RPL11: variants seen among roughly 807,000 people sequenced by gnomAD.
RPL11 encodes large ribosomal subunit protein uL5.
A neutral mutation model predicts 24.1 loss-of-function variants in RPL11; 3 were observed. That is an observed-to-expected ratio of 0.12 (90% confidence interval 0.06 to 0.32). RPL11 has a LOEUF of 0.32. RPL11 is among the 10% of genes least tolerant of loss of function. The probability of loss-of-function intolerance (pLI) is 1.00; values close to 1 mark genes in which losing one functional copy is unlikely to be tolerated. For missense variants in RPL11, 146 were observed against 225.7 expected (o/e 0.65, Z 2.26); for synonymous variants, 96 against 75.7 (o/e 1.27, Z -1.39).
chr1:23,695,324 C>T lies in RPL11; in HGVS notation c.397-474C>T, dbSNP rs574806966. ...TAGTGTGGAACCTGAAAGATGGTGG[C>T]ACCCTCATTAGACAGACAAGTAATA... is the stretch of plus-strand genomic sequence containing the variant. On this transcript the variant is annotated intron_variant, in intron 4 of 5. Transcript: ENST00000643754. 6.4e-4 allele frequency: 173 copies of T among 271,640 alleles called. 1 individual carries two copies. Among genetic ancestry groups the T allele is most frequent in the Middle Eastern group, 4.0e-3 (3 of 752 alleles). The allele number at this position is 271,640 out of a possible 1,614,324, so 16.8% of individuals were successfully genotyped here.
Position 23,694,685 on chromosome 1 carries a change from A to G in RPL11, c.290A>G (p.Asn97Ser). 2 of 1,614,038 alleles carry G rather than the reference A, an allele frequency of 1.2e-6. No homozygotes were observed. Among genetic ancestry groups the G allele is most frequent in the Non-Finnish European group, 1.7e-6 (2 of 1,179,930 alleles). ...GTGCGGGAGTATGAGTTAAGAAAAAACAACTTCTCAGATACTGGAAACTTT... is the reference window on the plus strand; with the variant it reads ...GTGCGGGAGTATGAGTTAAGAAAAAGCAACTTCTCAGATACTGGAAACTTT... ...LKVREYELRK[N>S]NFSDTGNFGF... The change falls in exon 4 of 6, where the codon AAC becomes AGC. Residue 97 changes from asparagine (N) to serine (S), a missense_variant. Physicochemically the swap from Asn to Ser is conservative, Grantham distance 46 (BLOSUM62 1). Coordinates refer to ENST00000643754, the MANE Select transcript of RPL11 (RefSeq NM_000975.5).
At chr1:23,692,397 G>C (rs553105418) in intron 1 of RPL11, 1 of 583,094 alleles carries the variant, frequency 1.7e-6, no homozygotes, top group African/African-American at 1.9e-5. Context: ...ACTGTCCTGA[G>C]TTTTCTCTTC....
In RPL11 at chr1:23,696,701, T is replaced by G. The variant is rs558205273; in HGVS notation, c.*328T>G. The stretch of plus-strand genomic sequence containing the variant: ...AGAGCCTTGGTTAAGCAGGGTGCAG[T>G]GCTCCTGTGTTCCAGGAGGCCCCCT... On this transcript the variant is annotated 3_prime_UTR_variant, in exon 6 of 6. Transcript: ENST00000643754. The G allele has an allele frequency of 3.0e-5, 13 of 435,548 alleles. No individual in the cohort carries two copies. The East Asian group carries it at 6.3e-4, about 21-fold the overall frequency. The allele number at this position is 435,548 out of a possible 1,614,324, so 27.0% of individuals were successfully genotyped here. A position where few individuals can be genotyped will look rare whatever the true frequency, so the allele number is the denominator to read the frequency against.
chr1:23,692,188 C>A (rs1340735088), intron 1 of RPL11: 2 of 468,474 alleles, frequency 4.3e-6, no homozygotes, highest in Non-Finnish European at 7.8e-6. Flanking sequence ...GGTTGCTCCG[C>A]TTAGGGAAGG....
At chr1:23,695,065 C>G (rs1186475238) in intron 4 of RPL11, 3 of 478,920 alleles carry the variant, frequency 6.3e-6, no homozygotes, top group South Asian at 6.1e-5. Flanking sequence ...GAAACTGTTC[C>G]CTCCAGCCAG....
Position 23,694,786 on chromosome 1 carries a change from T to C in RPL11, c.391T>C (p.Tyr131His). 1 of 1,614,218 alleles carries C rather than the reference T, an allele frequency of 6.2e-7. No individual in the cohort carries two copies. The highest frequency in any genetic ancestry group is 8.5e-7 in the Non-Finnish European group (1 of 1,180,046). Reference protein sequence around the residue: ...PSIGIYGLDFYVVLGRPGFSI... With the variant: ...PSIGIYGLDFHVVLGRPGFSI... ...CATTGGTATCTACGGCCTGGACTTCTATGTGGTATGAATATTTAATCTTTT... is the reference window on the plus strand; with the variant it reads ...CATTGGTATCTACGGCCTGGACTTCCATGTGGTATGAATATTTAATCTTTT... Residue 131 changes from tyrosine to histidine, a missense_variant, in exon 4 of 6, where the codon TAT becomes CAT. By Grantham distance (83) the Tyr-to-His change is moderately conservative. Transcript: ENST00000643754.
intron 3 of RPL11, among the ~76,000 whole-genome samples, chr1:23,694,388 AAAG>A (rs1266658687): frequency 6.6e-6 from 1 of 152,074 alleles, no homozygotes; most frequent in Non-Finnish European, 1.5e-5. Context: ...CAAAAAAAAA[AAAG>A]AAAAAGGATG....
chr1:23,692,244 A>T, intron 1 of RPL11: 1 of 422,224 alleles, frequency 2.4e-6, no homozygotes, highest in Admixed American at 3.8e-5. Flanking sequence ...GACGTCGCAT[A>T]ACCACGTGTT....
At chr1:23,695,435 T>C in intron 4 of RPL11, 1 of 317,576 alleles carries the variant, frequency 3.1e-6, no homozygotes, top group Non-Finnish European at 6.1e-6. Context: ...AAAATATATA[T>C]ATTTGTGCTT....
chr1:23,692,186 C>T (rs980478730), intron 1 of RPL11: 2 of 467,710 alleles, frequency 4.3e-6, no homozygotes, highest in East Asian at 4.2e-5. Context: ...TCGGTTGCTC[C>T]GCTTAGGGAA....
rs1644517554 is a variant in RPL11 at position 23,693,913 on chromosome 1, G to A, written c.264G>A (p.Lys88=). ...KAEEILEKGL[K]VREYELRKNN... ...AAGAAATCTTGGAGAAGGGTCTAAA[G>A]GTGAGCCTAATCCCCTAATGGAGTG... The change falls in exon 3 of 6, where the codon AAG becomes AAA. Residue 88 remains lysine, a splice_region_variant and synonymous_variant. Coordinates refer to ENST00000643754, the MANE Select transcript of RPL11 (RefSeq NM_000975.5). 1 of 1,611,596 alleles carries A rather than the reference G, an allele frequency of 6.2e-7. No individual in the cohort carries two copies. Among genetic ancestry groups the A allele is most frequent in the Non-Finnish European group, 8.5e-7 (1 of 1,177,756 alleles).
At chr1:23,695,686 A>C in intron 4 of RPL11, 112 bp from the exon 5 acceptor site, 1 of 965,704 alleles carries the variant, frequency 1.0e-6, no homozygotes, top group Non-Finnish European at 1.6e-6. Context: ...TTGCTCCAGA[A>C]TCCATTGGGC....
At chr1:23,691,985 G>A (rs547654881) in intron 1 of RPL11, 156 bp downstream of exon 1, 772 of 1,013,448 alleles carry the variant, frequency 7.6e-4, no homozygotes, top group Non-Finnish European at 1.1e-3. Flanking sequence ...AAGGACGCAG[G>A]GTTGAATTCT....
chr1:23,695,118 G>C, intron 4 of RPL11: 1 of 397,508 alleles, frequency 2.5e-6, no homozygotes, highest in East Asian at 6.0e-5. Context: ...TGCCACATTT[G>C]GCCTATGGGT....
chr1:23,691,846 T>G lies in RPL11; in HGVS notation c.6+17T>G. On this transcript the variant is annotated intron_variant, in intron 1 of 5. Transcript: ENST00000643754. ...ATCATGGCGGTGAGTAGCTGGGACC[T>G]GGATTTGCTTTCCTTTATCCGTCGC... 6.2e-7 allele frequency: 1 copy of G among 1,614,232 alleles called. No individual in the cohort carries two copies. Among genetic ancestry groups the G allele is most frequent in the Non-Finnish European group, 8.5e-7 (1 of 1,180,040 alleles).
chr1:23,692,666 C>T lies in RPL11; in HGVS notation c.64C>T (p.Leu22Phe). ...MRELRIRKLC[L>F]NICVGESGDR... Reference sequence around the variant, plus strand: ...GGAACTTCGCATCCGCAAACTCTGTCTCAACATCTGTGTTGGGGAGAGTGG... The same window carrying T: ...GGAACTTCGCATCCGCAAACTCTGTTTCAACATCTGTGTTGGGGAGAGTGG... Residue 22 changes from leucine to phenylalanine, a missense_variant, in exon 2 of 6, where the codon CTC (leucine) becomes TTC (phenylalanine). Transcript: ENST00000643754. The T allele has an allele frequency of 6.2e-7, 1 of 1,614,194 alleles. No individual in the cohort carries two copies. The highest frequency in any genetic ancestry group is 8.5e-7 in the Non-Finnish European group (1 of 1,180,042).
chr1:23,692,350 G>T (rs990808114), intron 1 of RPL11: 1 of 485,802 alleles, frequency 2.1e-6, no homozygotes, highest in Non-Finnish European at 3.7e-6. Flanking sequence ...GCCTCTTAGG[G>T]TTCGATCTCA....
chr1:23,692,991 A>G (rs1001779456), intron 2 of RPL11, among the ~76,000 whole-genome samples: 1 of 152,144 alleles, frequency 6.6e-6, no homozygotes, highest in Admixed American at 6.5e-5. Context: ...GCCCAAGTAA[A>G]GATTTTCCTA....
In RPL11 at chr1:23,695,874, G is replaced by T; in HGVS notation, c.473G>T (p.Ser158Ile). The T allele has an allele frequency of 6.3e-7, 1 of 1,596,260 alleles. No individual in the cohort carries two copies. Among genetic ancestry groups the T allele is most frequent in the Non-Finnish European group, 8.5e-7 (1 of 1,171,290 alleles). ...TGCIGAKHRI[S>I]KEEAMRWFQQ... ...TGCATTGGGGCCAAACACAGAATCA[G>T]CAAAGAGGAGGCCATGCGCTGGTTC... Residue 158 changes from serine (S) to isoleucine (I), a missense_variant, in exon 5 of 6, where the codon AGC (serine) becomes ATC (isoleucine). Transcript: ENST00000643754.
Sources: gnomAD v4.1 joint callset for allele counts (sites outside exome capture counted in the v4.1 genomes callset) on GRCh38, gnomAD v4.1.1 for gene constraint, MANE v1.5 for transcripts, NCBI Gene and HGNC (gene_info 2026-07-23, HGNC 2026-07-21) for gene names.